Variants in XRRA1 observed in about 807,000 individuals in gnomAD.
XRRA1 encodes the protein X-ray radiation resistance associated 1, also known as X-ray radiation resistance-associated protein 1.
A neutral mutation model predicts 80.2 loss-of-function variants in XRRA1; 69 were observed. That is an observed-to-expected ratio of 0.86 (90% CI 0.71 to 1.05). The LOEUF (loss-of-function observed/expected upper bound fraction) is 1.05. Ranked by LOEUF, XRRA1 falls within the 50% of genes least tolerant of loss-of-function variation. The probability of loss-of-function intolerance (pLI) is 0.00; values close to 1 mark genes in which losing one functional copy is unlikely to be tolerated. For synonymous variants in XRRA1, 348 were observed against 389.9 expected (o/e 0.89, Z 1.27); for missense variants, 967 against 976.4 (o/e 0.99, Z 0.13).
chr11:74,903,267 T>G (rs923607466), intron 10 of XRRA1, among the ~76,000 whole-genome samples: 1 of 152,218 alleles, frequency 6.6e-6, no homozygotes, highest in African/African-American at 2.4e-5. Flanking sequence ...CAGTGGTATA[T>G]GCAAAAGATG....
Position 74,843,432 on chromosome 11 carries a change from G to T in XRRA1, c.2171C>A (p.Thr724Lys). Residue 724 changes from threonine (T) to lysine (K), a missense_variant, in exon 19 of 19, where the codon ACA (threonine) becomes AAA (lysine). Coordinates refer to ENST00000684022, the MANE Select transcript of XRRA1 (RefSeq NM_001378157.1). ...APLGAVLHQW[T>K]ERRLVNHKQY... ...CTTGTGGTTCACCAGCCGCCGTTCT[G>T]TCCACTGGTGCAGGACAGCACCTGC... 6.2e-7 allele frequency: 1 copy of T among 1,612,514 alleles called. No individual in the cohort carries two copies. Among genetic ancestry groups the T allele is most frequent in the Non-Finnish European group, 8.5e-7 (1 of 1,179,350 alleles).
rs199520391 is a variant in XRRA1 at position 74,936,936 on chromosome 11, C to A, written c.227G>T (p.Arg76Leu). The change falls in exon 4 of 19, where the codon CGG becomes CTG. Residue 76 changes from arginine (R) to leucine (L), a missense_variant. By Grantham distance (102) the Arg-to-Leu change is moderately radical. Coordinates refer to ENST00000684022, the MANE Select transcript of XRRA1 (RefSeq NM_001378157.1). Reference sequence around the variant, plus strand: ...AGGAAGGTCCACCTGATTTTCCCGCCGAGACTCTTTCTTCCCCTTGAACTC... The same window carrying A: ...AGGAAGGTCCACCTGATTTTCCCGCAGAGACTCTTTCTTCCCCTTGAACTC... Reference protein sequence around the residue: ...SFEFKGKKESRRENQVDLPGH... With the variant: ...SFEFKGKKESLRENQVDLPGH... The A allele has an allele frequency of 4.1e-5, 66 of 1,613,812 alleles. 1 individual carries two copies. Among genetic ancestry groups the A allele is most frequent in the East Asian group, 1.6e-4 (7 of 44,858 alleles).
chr11:74,914,732 A>C, intron 8 of XRRA1, among the ~76,000 whole-genome samples: 1 of 149,182 alleles, frequency 6.7e-6, no homozygotes, highest in African/African-American at 2.5e-5. Context: ...TTTGAAAAAC[A>C]ATTTCTTGCT....
chr11:74,890,074 C>G (rs60485512), intron 10 of XRRA1, among the ~76,000 whole-genome samples: 281 of 152,302 alleles, frequency 1.8e-3, no homozygotes, highest in African/African-American at 6.5e-3. Flanking sequence ...ACAGAACTCT[C>G]CACCCCAAAT....
intron 10 of XRRA1, among the ~76,000 whole-genome samples, chr11:74,872,268 A>T (rs1590818034): frequency 6.6e-6 from 1 of 151,974 alleles, no homozygotes; most frequent in Non-Finnish European, 1.5e-5. Flanking sequence ...AATAAAACAC[A>T]CCTCCTTATC....
At chr11:74,944,157 G>A (rs1565465321) in intron 2 of XRRA1, among the ~76,000 whole-genome samples, 4 of 152,068 alleles carry the variant, frequency 2.6e-5, no homozygotes, top group South Asian at 2.1e-4. Context: ...TTCGTGGCCC[G>A]ACCTCACAAG....
At chr11:74,883,282 C>G (rs139604739) in intron 10 of XRRA1, among the ~76,000 whole-genome samples, 1 of 137,420 alleles carries the variant, frequency 7.3e-6, no homozygotes, top group East Asian at 2.1e-4. Context: ...TTCCAGGTGC[C>G]GTCCGTCACC....
At chr11:74,848,682 C>A (rs562133867) in intron 14 of XRRA1, among the ~76,000 whole-genome samples, 7 of 152,258 alleles carry the variant, frequency 4.6e-5, no homozygotes, top group African/African-American at 1.4e-4. Flanking sequence ...GAATAATTAT[C>A]CCCAATTTTA....
rs555876277 is a variant in XRRA1 at position 74,849,881 on chromosome 11, G to A, written c.1380+1207C>T. 7.9e-5 allele frequency among the ~76,000 whole-genome samples: 12 copies of A among 152,302 alleles called. No individual in the cohort carries two copies. The South Asian group carries it at 2.5e-3, about 32-fold the overall frequency. ...TGTCTGTCCATGCCTAGGTGTGAGGGGAGGGACTGCAGCCTTTGTCCATGT... is the reference window on the plus strand; with the variant it reads ...TGTCTGTCCATGCCTAGGTGTGAGGAGAGGGACTGCAGCCTTTGTCCATGT... On this transcript the variant is annotated intron_variant, in intron 14 of 18. Transcript: ENST00000684022.
At chr11:74,886,055 A>G (rs2048946700) in intron 10 of XRRA1, among the ~76,000 whole-genome samples, 1 of 152,228 alleles carries the variant, frequency 6.6e-6, no homozygotes. Flanking sequence ...CATTTAAGGA[A>G]TAAACCTTAA....
In XRRA1 at chr11:74,877,760, A is replaced by G. The variant is rs555437189; in HGVS notation, c.1004-14739T>C. Among the ~76,000 whole-genome samples the G allele has an allele frequency of 5.5e-3, 840 of 151,732 alleles. 1 individual carries two copies. Among genetic ancestry groups the G allele is most frequent in the African/African-American group, 7.2e-3 (297 of 41,358 alleles). On this transcript the variant is annotated intron_variant, in intron 10 of 18. Transcript: ENST00000684022. ...AGTTTACTGAGAATGATGATTTCCAATTTCATCCATGTCCCTACAAAGGAC... is the reference window on the plus strand; with the variant it reads ...AGTTTACTGAGAATGATGATTTCCAGTTTCATCCATGTCCCTACAAAGGAC...
At chr11:74,943,527 GT>G (rs1936707602) in intron 2 of XRRA1, among the ~76,000 whole-genome samples, 3 of 44,866 alleles carry the variant, frequency 6.7e-5, no homozygotes, top group African/African-American at 2.3e-4. Context: ...GTAGGAGGGT[GT>G]GTGTGTGTGT....
Position 74,949,087 on chromosome 11 carries a change from A to T in XRRA1, c.-232T>A. The T allele has an allele frequency of 4.0e-6, 2 of 499,988 alleles. No individual in the cohort carries two copies. The highest frequency in any genetic ancestry group is 5.1e-5 in the South Asian group (2 of 38,858). 31.0% of individuals were successfully genotyped at this position (499,988 alleles called of 1,614,324 possible). Reference sequence around the variant, plus strand: ...CTTAGTAACTGCGACGCGACGGCAGACAGTGTAGGCGGCAACCGACGGCCG... The same window carrying T: ...CTTAGTAACTGCGACGCGACGGCAGTCAGTGTAGGCGGCAACCGACGGCCG... On this transcript the variant is annotated 5_prime_UTR_variant, in exon 1 of 19. Coordinates refer to ENST00000684022, the MANE Select transcript of XRRA1 (RefSeq NM_001378157.1).
At chr11:74,874,233 CAAAAAAAAAAAAAA>C (rs367875228) in intron 10 of XRRA1, among the ~76,000 whole-genome samples, 599 of 48,382 alleles carry the variant, frequency 0.012, 12 homozygotes, top group Middle Eastern at 0.053. Flanking sequence ...GACTCCGTCT[CAAAAAAAAAAAAAA>C]AAAAAAAAAA....
intron 10 of XRRA1, among the ~76,000 whole-genome samples, chr11:74,896,510 G>C (rs1026124280): frequency 2.0e-5 from 3 of 152,046 alleles, no homozygotes; most frequent in African/African-American, 7.3e-5. Context: ...CAGTAGAATA[G>C]AATATCGTGT....
intron 10 of XRRA1, among the ~76,000 whole-genome samples, chr11:74,865,515 C>T (rs552987010): frequency 1.3e-5 from 2 of 152,174 alleles, no homozygotes; most frequent in African/African-American, 2.4e-5. Flanking sequence ...CCTGTCTGAA[C>T]CACCATGACA....
intron 10 of XRRA1, among the ~76,000 whole-genome samples, chr11:74,886,619 T>C (rs953225312): frequency 6.6e-6 from 1 of 152,086 alleles, no homozygotes; most frequent in African/African-American, 2.4e-5. Flanking sequence ...GAATCAATAC[T>C]GTTAAACTGG....
chr11:74,893,944 C>T (rs532570396), intron 10 of XRRA1, among the ~76,000 whole-genome samples: 152 of 152,318 alleles, frequency 1.0e-3, no homozygotes, highest in Non-Finnish European at 9.7e-4. Context: ...GATATATGCA[C>T]ATGTATGTTC....
intron 8 of XRRA1, among the ~76,000 whole-genome samples, chr11:74,907,949 C>A (rs1286135020): frequency 6.6e-6 from 1 of 152,126 alleles, no homozygotes; most frequent in Admixed American, 6.5e-5. Flanking sequence ...ATTTTAAGTA[C>A]CGCCATTAAT....
Sources: gnomAD v4.1 joint callset for allele counts (sites outside exome capture counted in the v4.1 genomes callset) on GRCh38, gnomAD v4.1.1 for gene constraint, MANE v1.5 for transcripts, NCBI Gene and HGNC (gene_info 2026-07-23, HGNC 2026-07-21) for gene names.